CDK14: variants seen among roughly 807,000 people sequenced by gnomAD.
CDK14 encodes the protein cyclin-dependent kinase 14.
A neutral mutation model predicts 60.7 loss-of-function variants in CDK14; 34 were observed. The observed-to-expected ratio is 0.56, with a 90% CI of 0.43 to 0.75. The LOEUF is 0.75. Among genes scored for constraint, CDK14 ranks in the 30% least tolerant of loss-of-function variants. The probability of loss-of-function intolerance (pLI) is 0.00; values close to 1 mark genes in which losing one functional copy is unlikely to be tolerated. For synonymous variants in CDK14, 197 were observed against 203.7 expected, an observed-to-expected ratio of 0.97 and a Z score of 0.28; for missense variants, 482 against 564.1, an observed-to-expected ratio of 0.85 and a Z score of 1.47.
At chr7:90,903,681 A>G (rs953171115) in intron 7 of CDK14, among the ~76,000 whole-genome samples, 1 of 152,154 alleles carries the variant, frequency 6.6e-6, no homozygotes, top group Non-Finnish European at 1.5e-5. Context: ...ACAACAATAC[A>G]TTGCATATTT....
At chr7:90,888,892 T>C (rs1345234821) in intron 6 of CDK14, among the ~76,000 whole-genome samples, 1 of 152,232 alleles carries the variant, frequency 6.6e-6, no homozygotes, top group African/African-American at 2.4e-5. Flanking sequence ...CCATGAACAT[T>C]TGTTATATGA....
intron 12 of CDK14, among the ~76,000 whole-genome samples, chr7:91,097,172 G>C (rs1328323327): frequency 6.6e-6 from 1 of 152,098 alleles, no homozygotes; most frequent in Non-Finnish European, 1.5e-5. Context: ...CCTGAAGTCA[G>C]GAGTTCGAGA....
chr7:91,000,814 A>G (rs1389850428), intron 10 of CDK14, among the ~76,000 whole-genome samples: 2 of 152,212 alleles, frequency 1.3e-5, no homozygotes, highest in Non-Finnish European at 2.9e-5. Flanking sequence ...TAGAATGTTT[A>G]TGCTTTGGGA....
At chr7:91,173,506 G>A (rs1334740467) in intron 14 of CDK14, among the ~76,000 whole-genome samples, 1 of 152,052 alleles carries the variant, frequency 6.6e-6, no homozygotes, top group East Asian at 1.9e-4. Context: ...CCTAAGCAAC[G>A]CAGAAGACTG....
intron 14 of CDK14, 111 bp downstream of exon 14, chr7:91,118,319 T>C (rs1383700638): frequency 1.7e-6 from 1 of 573,190 alleles, no homozygotes; most frequent in East Asian, 2.9e-5. Flanking sequence ...GAGTCTCTTG[T>C]GTGCATTATG....
At chr7:90,881,876 C>G (rs960701630) in intron 6 of CDK14, among the ~76,000 whole-genome samples, 1 of 152,126 alleles carries the variant, frequency 6.6e-6, no homozygotes, top group Admixed American at 6.6e-5. Flanking sequence ...CCTTTCCAGA[C>G]AAGCAAATGC....
intron 8 of CDK14, among the ~76,000 whole-genome samples, chr7:90,924,171 G>C (rs1793342980): frequency 6.6e-6 from 1 of 152,232 alleles, no homozygotes; most frequent in Non-Finnish European, 1.5e-5. Context: ...CTTCTTGTTA[G>C]TGGGGACTCT....
chr7:91,104,439 T>G (rs1799228777), intron 12 of CDK14, among the ~76,000 whole-genome samples: 1 of 152,220 alleles, frequency 6.6e-6, no homozygotes, highest in Non-Finnish European at 1.5e-5. Context: ...GAATGTTCTT[T>G]GTGAAAAATC....
chr7:91,068,807 T>TAAA (rs57179045), intron 11 of CDK14, among the ~76,000 whole-genome samples: 1,699 of 68,726 alleles, frequency 0.025, 106 homozygotes, highest in African/African-American at 0.08. Context: ...TACCTTATAT[T>TAAA]AAAAAAAAAA....
chr7:90,934,824 G>T (rs1793700738), intron 8 of CDK14, among the ~76,000 whole-genome samples: 2 of 152,116 alleles, frequency 1.3e-5, no homozygotes, highest in African/African-American at 2.4e-5. Context: ...AAATACTTTT[G>T]CTAACTTCAA....
chr7:90,792,578 A>C (rs921793112), intron 5 of CDK14, among the ~76,000 whole-genome samples: 1 of 152,058 alleles, frequency 6.6e-6, no homozygotes, highest in African/African-American at 2.4e-5. Flanking sequence ...CCTCTACCCA[A>C]ATCTAGCCAT....
At chr7:90,844,423 G>T (rs1385255787) in intron 5 of CDK14, among the ~76,000 whole-genome samples, 1 of 152,150 alleles carries the variant, frequency 6.6e-6, no homozygotes, top group African/African-American at 2.4e-5. Flanking sequence ...TGTTCGTCTG[G>T]AACAGATGGT....
At chr7:91,113,730 T>TC (rs1799535294) in intron 13 of CDK14, among the ~76,000 whole-genome samples, 1 of 152,210 alleles carries the variant, frequency 6.6e-6, no homozygotes, top group African/African-American at 2.4e-5. Flanking sequence ...TCCATCATAA[T>TC]ATTGGATTCT....
At chr7:91,008,127 CAAAA>C (rs56082719) in intron 10 of CDK14, among the ~76,000 whole-genome samples, 4 of 62,594 alleles carry the variant, frequency 6.4e-5, no homozygotes, top group African/African-American at 1.2e-4. Flanking sequence ...GGGAGAAGGC[CAAAA>C]AAAAAAAAAA....
At chr7:91,130,513 T>G (rs2116422712) in intron 14 of CDK14, among the ~76,000 whole-genome samples, 1 of 152,288 alleles carries the variant, frequency 6.6e-6, no homozygotes, top group African/African-American at 2.4e-5. Flanking sequence ...TTCACAAGTG[T>G]CATGCATTAA....
chr7:91,208,739 T>A lies in CDK14; in HGVS notation c.*1603T>A, dbSNP rs967885675. 1 of 152,472 alleles carries A rather than the reference T, an allele frequency of 6.6e-6. No homozygotes were observed. The highest frequency in any genetic ancestry group is 2.4e-5 in the African/African-American group (1 of 41,456). 9.4% of individuals were successfully genotyped at this position (152,472 alleles called of 1,614,324 possible). ...ACACCAAGGAAACTGGATCCAGAAT[T>A]CCTAAACTTTAAAATGGTACTGTCT... On this transcript the variant is annotated 3_prime_UTR_variant, in exon 15 of 15. Transcript: ENST00000380050.
chr7:91,121,857 A>G (rs2116390815), intron 14 of CDK14, among the ~76,000 whole-genome samples: 1 of 152,334 alleles, frequency 6.6e-6, no homozygotes, highest in South Asian at 2.1e-4. Context: ...TTCCCCAAGG[A>G]AAAGACTGGA....
chr7:90,778,878 T>TCCTTCCTC (rs1177793729), intron 4 of CDK14, among the ~76,000 whole-genome samples: 1 of 111,740 alleles, frequency 8.9e-6, no homozygotes, highest in Non-Finnish European at 1.8e-5. Flanking sequence ...CTTCCTTCCT[T>TCCTTCCTC]CCTTCCTTCC....
Position 90,806,638 on chromosome 7 carries a change from T to G in CDK14, c.544+15986T>G, listed in dbSNP as rs376863725. ...AGTGGGTGCAGGACACTGAGTGCAG[T>G]GCACCGAGCATGAGCCAAATCAGGG... is the stretch of plus-strand genomic sequence containing the variant. On this transcript the variant is annotated intron_variant, in intron 5 of 14. Transcript: ENST00000380050. Among the ~76,000 whole-genome samples the G allele has an allele frequency of 8.0e-4, 122 of 152,298 alleles. 1 individual carries two copies. Among genetic ancestry groups the G allele is most frequent in the Middle Eastern group, 3.4e-3 (1 of 294 alleles).
Sources: gnomAD v4.1 joint callset for allele counts (sites outside exome capture counted in the v4.1 genomes callset) on GRCh38, gnomAD v4.1.1 for gene constraint, MANE v1.5 for transcripts, NCBI Gene and HGNC (gene_info 2026-07-23, HGNC 2026-07-21) for gene names.